The following DNHD1 variants were observed in gnomAD, a reference collection of about 807,000 sequenced individuals.
DNHD1 encodes dynein heavy chain domain 1, also known as dynein heavy chain domain-containing protein 1.
Under a neutral mutation model 458.1 loss-of-function variants are expected in DNHD1, and 383 were observed. The observed-to-expected ratio is 0.84, with a 90% CI of 0.77 to 0.91. DNHD1 has a LOEUF of 0.91. Ranked by LOEUF, DNHD1 falls within the 40% of genes least tolerant of loss-of-function variation. The probability of loss-of-function intolerance (pLI) is 0.00; values close to 1 mark genes in which losing one functional copy is unlikely to be tolerated. For synonymous variants in DNHD1, 2,203 were observed against 2,376.9 expected (o/e 0.93, Z 2.13); for missense variants, 5,336 against 5,866.1 (o/e 0.91, Z 2.95).
At chr11:6,530,887 A>G in intron 12 of DNHD1, among the ~76,000 whole-genome samples, 1 of 152,202 alleles carries the variant, frequency 6.6e-6, no homozygotes, top group Middle Eastern at 3.2e-3. Flanking sequence ...CTGATCCTCA[A>G]TCCAGGACCA....
Position 6,565,654 on chromosome 11 carries a change from T to G in DNHD1, c.10757-41T>G, listed in dbSNP as rs780022120. ...GAATTCCTCCCCTAAGGAGTCTGATTCCTCCCCTAAGAAGAGCTCCTCTGA... is the reference window on the plus strand; with the variant it reads ...GAATTCCTCCCCTAAGGAGTCTGATGCCTCCCCTAAGAAGAGCTCCTCTGA... On this transcript the variant is annotated intron_variant, in intron 32 of 42. Transcript: ENST00000254579. 5 of 1,497,246 alleles carry G rather than the reference T, an allele frequency of 3.3e-6. No individual in the cohort carries two copies. In the Middle Eastern group the frequency reaches 5.3e-4, roughly 157 times the overall value. The allele number at this position is 1,497,246 out of a possible 1,614,324, so 92.7% of individuals were successfully genotyped here.
intron 31 of DNHD1, 53 bp from the exon 32 acceptor site, chr11:6,564,280 C>G (rs899856581): frequency 7.4e-6 from 11 of 1,484,006 alleles, no homozygotes; most frequent in Admixed American, 2.1e-5. Context: ...CATATCTCTG[C>G]CTGCACCCTC....
intron 18 of DNHD1, among the ~76,000 whole-genome samples, chr11:6,540,610 A>C (rs1217574354): frequency 6.6e-6 from 1 of 152,190 alleles, no homozygotes. Flanking sequence ...GGGCAGTAGA[A>C]TCTCAGAGAG....
At chr11:6,538,277 T>C in intron 14 of DNHD1, 106 bp from the exon 15 acceptor site, 4 of 883,750 alleles carry the variant, frequency 4.5e-6, no homozygotes, top group Admixed American at 2.3e-5. Flanking sequence ...CAACCATCAC[T>C]TTCTGGACCC....
intron 14 of DNHD1, among the ~76,000 whole-genome samples, chr11:6,537,644 G>A (rs554713138): frequency 3.3e-5 from 5 of 152,290 alleles, no homozygotes; most frequent in East Asian, 1.9e-4. Context: ...TTAAGAAGGT[G>A]CTGTCTGGCT....
intron 3 of DNHD1, among the ~76,000 whole-genome samples, chr11:6,500,952 G>T (rs1241741207): frequency 1.3e-5 from 2 of 152,054 alleles, no homozygotes; most frequent in African/African-American, 4.8e-5. Context: ...TTCTCTGCAG[G>T]TGGGAGAGAG....
intron 24 of DNHD1, 120 bp downstream of exon 24, chr11:6,549,053 C>T: frequency 9.0e-7 from 1 of 1,112,656 alleles, no homozygotes; most frequent in Non-Finnish European, 1.3e-6. Context: ...GTGTTCTGTT[C>T]TTAATATCTT....
chr11:6,557,629 C>T lies in DNHD1; in HGVS notation c.8334C>T (p.Asn2778=). ...AAGAGAAAGGCACAAGGGCATCCAACTATAGGCTCCAGGTAAGGAGATCAT... is the reference window on the plus strand; with the variant it reads ...AAGAGAAAGGCACAAGGGCATCCAATTATAGGCTCCAGGTAAGGAGATCAT... ...IRQEKGTRAS[N]YRLQVRRSFK... is the part of the protein sequence containing the mutation. Residue 2778 remains asparagine (N), a synonymous_variant, in exon 25 of 43, where the codon AAC becomes AAT. Transcript: ENST00000254579. 2 of 1,551,782 alleles carry T rather than the reference C, an allele frequency of 1.3e-6. No individual in the cohort carries two copies. Among genetic ancestry groups the T allele is most frequent in the Non-Finnish European group, 1.7e-6 (2 of 1,147,002 alleles).
chr11:6,556,221 C>G (rs919381278), intron 24 of DNHD1, among the ~76,000 whole-genome samples: 1 of 152,140 alleles, frequency 6.6e-6, no homozygotes, highest in African/African-American at 2.4e-5. Flanking sequence ...AGAAATCTTT[C>G]CATCTCAGCC....
rs1391931255 is a variant in DNHD1 at position 6,565,677 on chromosome 11, T to G, written c.10757-18T>G. The G allele has an allele frequency of 1.3e-6, 2 of 1,532,904 alleles. No homozygotes were observed. Among genetic ancestry groups the G allele is most frequent in the Admixed American group, 4.2e-5 (2 of 47,786 alleles). 95.0% of individuals were successfully genotyped at this position (1,532,904 alleles called of 1,614,324 possible). ...ATTCCTCCCCTAAGAAGAGCTCCTC[T>G]GAATCTTTCTGCCCCAGGGAAAGGC... is the stretch of plus-strand genomic sequence containing the variant. On this transcript the variant is annotated intron_variant, in intron 32 of 42. Transcript: ENST00000254579.
chr11:6,548,008 G>T lies in DNHD1; in HGVS notation c.6873G>T (p.Leu2291Phe). The stretch of plus-strand genomic sequence containing the variant: ...CTGTCAGCAGTTTTCTTTTTGCCTT[G>T]ATCTGGGGCTTTGGAGCCCACCTTC... ...LLAVSSFLFALIWGFGAHLPS... is the reference protein window; with the variant it reads ...LLAVSSFLFAFIWGFGAHLPS... The change falls in exon 22 of 43, where the codon TTG becomes TTT. Residue 2291 changes from leucine (L) to phenylalanine (F), a missense_variant. Coordinates refer to ENST00000254579, the MANE Select transcript of DNHD1 (RefSeq NM_144666.3). The surrounding 1 kb of genome is among the most constrained non-coding windows in gnomAD (Gnocchi z 4.4). The T allele has an allele frequency of 6.4e-7, 1 of 1,551,686 alleles. No individual in the cohort carries two copies. Among genetic ancestry groups the T allele is most frequent in the Middle Eastern group, 1.7e-4 (1 of 5,992 alleles).
At position 6,568,788 on chromosome 11, in the gene DNHD1, T is replaced by C. The variant is rs988276220; in HGVS notation, c.12785T>C (p.Leu4262Pro). The C allele has an allele frequency of 1.2e-6, 2 of 1,613,520 alleles. No homozygotes were observed. The highest frequency in any genetic ancestry group is 1.3e-5 in the African/African-American group (1 of 75,006). Reference sequence around the variant, plus strand: ...TACATGCAACCCCCCACCCAGGCACTACCTCTGCTCCTCCTCCATGGCCTC... The same window carrying C: ...TACATGCAACCCCCCACCCAGGCACCACCTCTGCTCCTCCTCCATGGCCTC... ...VLYMQPPTQA[L>P]PLLLLHGLLL... Residue 4262 changes from leucine to proline, a missense_variant, in exon 39 of 43, where the codon CTA becomes CCA. By Grantham distance (98) the Leu-to-Pro change is moderately conservative. Transcript: ENST00000254579.
intron 14 of DNHD1, among the ~76,000 whole-genome samples, chr11:6,534,881 G>A (rs559690955): frequency 6.6e-6 from 1 of 152,252 alleles, no homozygotes; most frequent in East Asian, 1.9e-4. Flanking sequence ...TGAGTAGCTG[G>A]GACTACAGGT....
At position 6,528,978 on chromosome 11, in the gene DNHD1, T is replaced by C. The variant is rs1308665570; in HGVS notation, c.2204T>C (p.Met735Thr). 1.3e-6 allele frequency: 2 copies of C among 1,551,412 alleles called. No individual in the cohort carries two copies. The highest frequency in any genetic ancestry group is 2.4e-5 in the East Asian group (1 of 40,940). Residue 735 changes from methionine to threonine, a missense_variant, in exon 12 of 43, where the codon ATG becomes ACG. Coordinates refer to ENST00000254579, the MANE Select transcript of DNHD1 (RefSeq NM_144666.3). ...QSWGPQKLED[M>T]RGGPIKNYVT... Reference sequence around the variant, plus strand: ...TGGGGGCCTCAGAAGCTGGAAGACATGAGAGGTGGTCCCATCAAGAACTAC... The same window carrying C: ...TGGGGGCCTCAGAAGCTGGAAGACACGAGAGGTGGTCCCATCAAGAACTAC...
At position 6,570,387 on chromosome 11, in the gene DNHD1, C is replaced by G. The variant is rs765773883; in HGVS notation, c.13096C>G (p.Pro4366Ala). Residue 4366 changes from proline (P) to alanine (A), a missense_variant, in exon 41 of 43, where the codon CCC (proline) becomes GCC (alanine). Around this residue, in one of 4 missense-constraint regions of DNHD1, gnomAD observed 698 missense variants for 664.9 expected, o/e 1.05. Transcript: ENST00000254579. ...TPQSLLATLMPLPELRELDAM... is the reference protein window; with the variant it reads ...TPQSLLATLMALPELRELDAM... ...TCAGTCTTTGCTGGCCACGCTCATG[C>G]CCCTCCCAGGTAAGCCTCACTCAGG... 1 of 1,607,728 alleles carries G rather than the reference C, an allele frequency of 6.2e-7. No homozygotes were observed. Among genetic ancestry groups the G allele is most frequent in the Non-Finnish European group, 8.5e-7 (1 of 1,177,136 alleles).
chr11:6,567,662 C>T lies in DNHD1; in HGVS notation c.12153C>T (p.Cys4051=), dbSNP rs1853738729. ...TGTGGCGCGTTCTGCGACCTGAGTG[C>T]CTGGCAGGTGCCCTGGCAGACTTCA... ...LILWRVLRPE[C]LAGALADFTT... Residue 4051 remains cysteine, a synonymous_variant, in exon 36 of 43, where the codon TGC becomes TGT. Transcript: ENST00000254579. The T allele has an allele frequency of 1.9e-6, 3 of 1,613,794 alleles. No homozygotes were observed. Among genetic ancestry groups the T allele is most frequent in the African/African-American group, 1.3e-5 (1 of 74,942 alleles).
chr11:6,539,166 T>G, intron 16 of DNHD1, 53 bp from the exon 17 acceptor site: 1 of 1,265,526 alleles, frequency 7.9e-7, no homozygotes, highest in East Asian at 2.5e-5. Context: ...GGGATATGGG[T>G]TGGACTCTGC....
In DNHD1 at chr11:6,509,251, C is replaced by T. The variant is rs767433471; in HGVS notation, c.1214C>T (p.Ala405Val). The T allele has an allele frequency of 6.2e-7, 1 of 1,613,968 alleles. No individual in the cohort carries two copies. ...HLLLAVPHFG[A>V]GLLHISRLLQ... ...CTCTTGGCTGTGCCCCACTTTGGAG[C>T]TGGGCTACTCCATATTAGCAGGTGA... Residue 405 changes from alanine to valine, a missense_variant, in exon 6 of 43, where the codon GCT (alanine) becomes GTT (valine). Physicochemically the swap from Ala to Val is moderately conservative, Grantham distance 64. This residue lies in a region of DNHD1 where 3,932 missense variants were observed against 4,365.6 expected (regional missense o/e 0.90). Coordinates refer to ENST00000254579, the MANE Select transcript of DNHD1 (RefSeq NM_144666.3).
intron 24 of DNHD1, 140 bp downstream of exon 24, chr11:6,549,073 C>T (rs1222916324): frequency 3.2e-6 from 3 of 939,104 alleles, no homozygotes; most frequent in Admixed American, 2.8e-5. Context: ...TCTCATTCTA[C>T]ATATGCTCCC....
Sources: allele counts gnomAD v4.1 joint callset (sites outside exome capture counted in the v4.1 genomes callset), GRCh38; gene constraint gnomAD v4.1.1; regional missense constraint gnomAD v4.1.1; non-coding constraint Gnocchi (gnomAD v3.1); transcripts MANE v1.5; gene names NCBI Gene and HGNC (gene_info 2026-07-23, HGNC 2026-07-21).